Variants in SORCS3 observed in about 807,000 individuals in gnomAD.
The protein encoded by SORCS3 is sortilin related VPS10 domain containing receptor 3, also known as VPS10 domain-containing receptor SorCS3.
In SORCS3, 57 loss-of-function variants were observed where a neutral mutation model predicts 146.3. The observed-to-expected ratio is 0.39, with a 90% CI of 0.31 to 0.49. The LOEUF is 0.49. Among genes scored for constraint, SORCS3 ranks in the 20% least tolerant of loss-of-function variants. The pLI is 0.92. For missense variants in SORCS3, 1,341 were observed against 1,575.5 expected, an observed-to-expected ratio of 0.85 and a Z score of 2.52; for synonymous variants, 653 against 618.5, an observed-to-expected ratio of 1.06 and a Z score of -0.83.
Position 105,169,251 on chromosome 10 carries a change from C to CT in SORCS3, c.1901+1903dup, listed in dbSNP as rs575515622. Among the ~76,000 whole-genome samples, 38 of 152,250 alleles carry CT rather than the reference C, an allele frequency of 2.5e-4. No homozygotes were observed. The South Asian group carries it at 7.7e-3, about 31-fold the overall frequency. On this transcript the variant is annotated intron_variant, in intron 13 of 26. Transcript: ENST00000369701. ...GTTCTGGCTGCTAATTTTCTATATA[C>CT]TATAACAAGTACACCTAGGCTTATG...
At chr10:104,799,522 C>T (rs1482420443) in intron 1 of SORCS3, among the ~76,000 whole-genome samples, 2 of 151,354 alleles carry the variant, frequency 1.3e-5, no homozygotes, top group Admixed American at 6.6e-5. Context: ...GGGAGGGGAA[C>T]ATCACACACC....
intron 6 of SORCS3, among the ~76,000 whole-genome samples, chr10:105,102,954 T>C (rs907928912): frequency 2.0e-5 from 3 of 151,916 alleles, no homozygotes; most frequent in African/African-American, 7.3e-5. Context: ...CACACCCAGC[T>C]AGTATTTTGC....
At chr10:105,087,722 C>G (rs1043993282) in intron 5 of SORCS3, among the ~76,000 whole-genome samples, 2 of 152,144 alleles carry the variant, frequency 1.3e-5, no homozygotes, top group Non-Finnish European at 2.9e-5. Flanking sequence ...AAGACAGGAT[C>G]CCACTTTAAA....
intron 2 of SORCS3, among the ~76,000 whole-genome samples, chr10:104,910,022 C>T (rs956503682): frequency 6.6e-5 from 10 of 152,132 alleles, no homozygotes; most frequent in African/African-American, 1.7e-4. Context: ...CTAAGTCCTT[C>T]GGAATGCCTC....
At chr10:104,925,154 C>T (rs7901771) in intron 3 of SORCS3, among the ~76,000 whole-genome samples, 1 of 152,020 alleles carries the variant, frequency 6.6e-6, no homozygotes, top group Non-Finnish European at 1.5e-5. Context: ...TGAGAACATG[C>T]GATGTTTGAT....
chr10:105,041,401 AT>A, intron 4 of SORCS3, among the ~76,000 whole-genome samples: 1 of 147,298 alleles, frequency 6.8e-6, no homozygotes, highest in African/African-American at 2.5e-5. Context: ...TATTTTGAGG[AT>A]TAAAAAAAAT....
chr10:104,958,068 T>C (rs1191357582), intron 3 of SORCS3, among the ~76,000 whole-genome samples: 5 of 152,138 alleles, frequency 3.3e-5, no homozygotes, highest in Admixed American at 6.6e-5. Context: ...GAAAAAAATC[T>C]CATTTTTCCT....
chr10:104,748,000 G>T (rs2016931049), intron 1 of SORCS3, among the ~76,000 whole-genome samples: 1 of 152,216 alleles, frequency 6.6e-6, no homozygotes, highest in African/African-American at 2.4e-5. Flanking sequence ...TTGTTGTGAG[G>T]ATTAAATGAG....
chr10:105,214,738 T>G, intron 18 of SORCS3, 125 bp downstream of exon 18: 1 of 905,014 alleles, frequency 1.1e-6, no homozygotes. Flanking sequence ...CTGAAATTTC[T>G]GGAAAGAAGA....
chr10:104,861,059 C>T (rs2018395755), intron 2 of SORCS3, among the ~76,000 whole-genome samples: 1 of 152,190 alleles, frequency 6.6e-6, no homozygotes. Flanking sequence ...CTGGTTTCAT[C>T]AAGGAGAGGT....
intron 25 of SORCS3, among the ~76,000 whole-genome samples, chr10:105,262,099 G>A (rs1002572096): frequency 6.6e-6 from 1 of 152,102 alleles, no homozygotes; most frequent in South Asian, 2.1e-4. Context: ...AGGAAAAGGT[G>A]CATTCCTCAG....
chr10:104,971,458 G>A (rs1025057626), intron 3 of SORCS3, among the ~76,000 whole-genome samples: 4 of 152,182 alleles, frequency 2.6e-5, no homozygotes, highest in African/African-American at 9.7e-5. Context: ...TGCATCTTGG[G>A]CTTTTTGCTA....
chr10:105,241,106 T>C (rs1207011753), intron 20 of SORCS3, among the ~76,000 whole-genome samples: 1 of 152,170 alleles, frequency 6.6e-6, no homozygotes, highest in Non-Finnish European at 1.5e-5. Flanking sequence ...TTGTGTCTTC[T>C]TTTCTCTTGA....
chr10:104,995,917 A>G (rs1456665883), intron 4 of SORCS3, among the ~76,000 whole-genome samples: 1 of 152,176 alleles, frequency 6.6e-6, no homozygotes, highest in Non-Finnish European at 1.5e-5. Flanking sequence ...ATCAACTTTG[A>G]GTTAAATTTT....
intron 3 of SORCS3, among the ~76,000 whole-genome samples, chr10:104,933,404 AC>A (rs1445263702): frequency 1.3e-5 from 2 of 152,068 alleles, no homozygotes; most frequent in Non-Finnish European, 2.9e-5. Context: ...ATAGTAGACA[AC>A]ACATTTTCAG....
chr10:105,114,765 A>G (rs1038715501), intron 7 of SORCS3, among the ~76,000 whole-genome samples: 13 of 152,048 alleles, frequency 8.5e-5, no homozygotes, highest in African/African-American at 2.7e-4. Flanking sequence ...GGTATTTTCA[A>G]CTCTCAGTAA....
In SORCS3 at chr10:104,887,544, A is replaced by C. The variant is rs531100182; in HGVS notation, c.696-28289A>C. ...TTCCTCCTGGTGGCTTGTTACTTAG[A>C]ATGCAGCTTCTAGACAAGAGTCCGG... On this transcript the variant is annotated intron_variant, in intron 2 of 26. Coordinates refer to ENST00000369701, the MANE Select transcript of SORCS3 (RefSeq NM_014978.3). Among the ~76,000 whole-genome samples, 181 of 152,242 alleles carry C rather than the reference A, an allele frequency of 1.2e-3. 1 individual carries two copies. The highest frequency in any genetic ancestry group is 3.9e-3 in the African/African-American group (163 of 41,544).
chr10:105,261,448 T>C (rs961859651), intron 25 of SORCS3, among the ~76,000 whole-genome samples: 2 of 152,188 alleles, frequency 1.3e-5, no homozygotes, highest in African/African-American at 4.8e-5. Context: ...CTTGGCAGAA[T>C]TGCAGAATCT....
chr10:104,696,472 G>GAATATAC (rs1325737234), intron 1 of SORCS3, among the ~76,000 whole-genome samples: 1 of 17,584 alleles, frequency 5.7e-5, no homozygotes, highest in Non-Finnish European at 1.4e-4. Flanking sequence ...ATAATATATA[G>GAATATAC]AATATAGAAT....
Sources: gnomAD v4.1 joint callset for allele counts (sites outside exome capture counted in the v4.1 genomes callset) on GRCh38, gnomAD v4.1.1 for gene constraint, MANE v1.5 for transcripts, NCBI Gene and HGNC (gene_info 2026-07-23, HGNC 2026-07-21) for gene names.